Variants in SNTG1 observed in about 807,000 individuals in gnomAD.
The protein encoded by SNTG1 is gamma-1-syntrophin.
SNTG1 carries 39 observed loss-of-function variants against 74.7 expected under a neutral mutation model. The ratio of observed to expected loss-of-function variants is 0.52; its 90% CI spans 0.40 to 0.68. SNTG1 has a LOEUF of 0.68. SNTG1 is among the 30% of genes least tolerant of loss of function. The pLI is 0.00. For missense variants in SNTG1, 685 were observed against 609.5 expected, an observed-to-expected ratio of 1.12 and a Z score of -1.30; for synonymous variants, 254 against 217.1, an observed-to-expected ratio of 1.17 and a Z score of -1.49.
chr8:50,360,398 G>C (rs2091925338), intron 2 of SNTG1, among the ~76,000 whole-genome samples: 1 of 152,062 alleles, frequency 6.6e-6, no homozygotes, highest in Non-Finnish European at 1.5e-5. Flanking sequence ...GTTTTCTTTT[G>C]TCTTGGGGAA....
intron 18 of SNTG1, among the ~76,000 whole-genome samples, chr8:50,778,994 T>A (rs538461482): frequency 2.1e-4 from 32 of 152,314 alleles, no homozygotes; most frequent in African/African-American, 7.5e-4. Flanking sequence ...CTCAGGTTTG[T>A]CAAAGATCAG....
At chr8:50,356,924 C>G (rs146635595) in intron 2 of SNTG1, among the ~76,000 whole-genome samples, 23 of 152,198 alleles carry the variant, frequency 1.5e-4, no homozygotes, top group Admixed American at 9.2e-4. Flanking sequence ...ACAACCTCAG[C>G]GTGACTTTTG....
chr8:50,397,909 A>C (rs990635830), intron 3 of SNTG1, among the ~76,000 whole-genome samples: 1 of 152,226 alleles, frequency 6.6e-6, no homozygotes, highest in Non-Finnish European at 1.5e-5. Flanking sequence ...AGGGAGAAAA[A>C]TAAATTAATA....
At chr8:50,097,139 T>G (rs2131202241) in intron 1 of SNTG1, among the ~76,000 whole-genome samples, 1 of 152,030 alleles carries the variant, frequency 6.6e-6, no homozygotes, top group South Asian at 2.1e-4. Flanking sequence ...CCGGCTAATT[T>G]TTTTGTGTTT....
In SNTG1 at chr8:50,443,154, G is replaced by A. The variant is rs184002197; in HGVS notation, c.219+4555G>A. Among the ~76,000 whole-genome samples the A allele has an allele frequency of 3.0e-3, 460 of 152,284 alleles. 1 individual carries two copies. Among genetic ancestry groups the A allele is most frequent in the African/African-American group, 0.011 (448 of 41,572 alleles). The stretch of plus-strand genomic sequence containing the variant: ...TTCTTCCTATCGGGATTACCATAGG[G>A]ATAGTCATGTTAAAGCAAGCCATCG... On this transcript the variant is annotated intron_variant, in intron 5 of 18. Transcript: ENST00000642720.
Position 50,553,001 on chromosome 8 carries a change from T to C in SNTG1, c.681-49T>C, listed in dbSNP as rs1381705188. Reference sequence around the variant, plus strand: ...AACAGATACTATTACGAGCTGCAAATAGATCAATGACATGAGGTTTTGATC... The same window carrying C: ...AACAGATACTATTACGAGCTGCAAACAGATCAATGACATGAGGTTTTGATC... On this transcript the variant is annotated intron_variant, in intron 11 of 18. Coordinates refer to ENST00000642720, the MANE Select transcript of SNTG1 (RefSeq NM_018967.5). 3 of 1,604,412 alleles carry C rather than the reference T, an allele frequency of 1.9e-6. No homozygotes were observed. The South Asian group carries it at 3.3e-5, about 18-fold the overall frequency.
At chr8:50,512,304 T>C (rs1408927825) in intron 9 of SNTG1, among the ~76,000 whole-genome samples, 2 of 152,116 alleles carry the variant, frequency 1.3e-5, no homozygotes, top group African/African-American at 4.8e-5. Flanking sequence ...CTAATGGACT[T>C]CCCTTTGTGG....
chr8:50,424,299 AAAAC>A (rs978666682), intron 4 of SNTG1, among the ~76,000 whole-genome samples: 8 of 152,248 alleles, frequency 5.3e-5, no homozygotes, highest in East Asian at 1.9e-4. Flanking sequence ...CTTTTCAGAC[AAAAC>A]AAACAAACAA....
chr8:50,420,190 CA>C, intron 4 of SNTG1, among the ~76,000 whole-genome samples: 1 of 152,158 alleles, frequency 6.6e-6, no homozygotes, highest in Middle Eastern at 3.4e-3. Flanking sequence ...GAGCAAACCT[CA>C]AAAAGCATAA....
At chr8:49,915,744 C>A (rs540915177) in intron 1 of SNTG1, among the ~76,000 whole-genome samples, 1 of 152,254 alleles carries the variant, frequency 6.6e-6, no homozygotes, top group East Asian at 1.9e-4. Flanking sequence ...TATCCTAAAA[C>A]ATACAGAAAG....
At chr8:50,465,685 T>C (rs1291724875) in intron 8 of SNTG1, among the ~76,000 whole-genome samples, 1 of 152,210 alleles carries the variant, frequency 6.6e-6, no homozygotes, top group African/African-American at 2.4e-5. Flanking sequence ...GAATGCCAAG[T>C]AATTAAAATT....
intron 1 of SNTG1, among the ~76,000 whole-genome samples, chr8:50,072,657 C>T (rs1821473288): frequency 6.6e-6 from 1 of 152,122 alleles, no homozygotes; most frequent in Admixed American, 6.5e-5. Context: ...AGATGATGTA[C>T]ACTCTTAGAA....
At chr8:50,249,698 C>T (rs183920275) in intron 2 of SNTG1, among the ~76,000 whole-genome samples, 141 of 152,274 alleles carry the variant, frequency 9.3e-4, no homozygotes, top group African/African-American at 3.3e-3. Context: ...ATAATAATCT[C>T]ACACATCACA....
chr8:49,914,630 G>C (rs74862362), intron 1 of SNTG1, among the ~76,000 whole-genome samples: 1 of 152,060 alleles, frequency 6.6e-6, no homozygotes, highest in Non-Finnish European at 1.5e-5. Flanking sequence ...CCATGAAATC[G>C]TATTGGATTT....
intron 18 of SNTG1, among the ~76,000 whole-genome samples, chr8:50,770,658 T>G (rs1448750496): frequency 6.6e-6 from 1 of 152,118 alleles, no homozygotes; most frequent in Non-Finnish European, 1.5e-5. Context: ...AAACTCATGT[T>G]AAAATTTGAT....
intron 10 of SNTG1, among the ~76,000 whole-genome samples, chr8:50,533,414 A>G (rs1337637952): frequency 6.6e-6 from 1 of 152,206 alleles, no homozygotes; most frequent in Non-Finnish European, 1.5e-5. Flanking sequence ...AAGCAAGGAG[A>G]CATAATTGCT....
At chr8:50,098,166 A>T (rs976390923) in intron 1 of SNTG1, among the ~76,000 whole-genome samples, 2 of 152,092 alleles carry the variant, frequency 1.3e-5, no homozygotes, top group African/African-American at 4.8e-5. Flanking sequence ...ATTGTTTTTA[A>T]TTATTTTCAT....
chr8:50,163,418 T>C (rs949942409), intron 1 of SNTG1: 1 of 151,912 alleles, frequency 6.6e-6, no homozygotes, highest in African/African-American at 2.4e-5. Context: ...ATTCCAAGTT[T>C]TTTTTTTTTT....
At chr8:50,788,646 G>A (rs567665534) in intron 18 of SNTG1, among the ~76,000 whole-genome samples, 1 of 152,072 alleles carries the variant, frequency 6.6e-6, no homozygotes, top group South Asian at 2.1e-4. Flanking sequence ...GCAGAATGAG[G>A]AAGATAAATT....
Sources: gnomAD v4.1 joint callset for allele counts (sites outside exome capture counted in the v4.1 genomes callset) on GRCh38, gnomAD v4.1.1 for gene constraint, MANE v1.5 for transcripts, NCBI Gene and HGNC (gene_info 2026-07-23, HGNC 2026-07-21) for gene names.